The following RUFY2 variants were observed in gnomAD, a reference collection of about 807,000 sequenced individuals.
RUFY2 encodes RUN and FYVE domain-containing protein 2.
A neutral mutation model predicts 94.4 loss-of-function variants in RUFY2; 49 were observed. The observed-to-expected ratio is 0.52, with a 90% CI of 0.41 to 0.66. The LOEUF (loss-of-function observed/expected upper bound fraction) is 0.66, where lower values mean the gene tolerates loss of function less well. RUFY2 is among the 30% of genes least tolerant of loss of function. RUFY2 has a pLI of 0.00. For synonymous variants in RUFY2, 255 were observed against 235.7 expected (o/e 1.08, Z -0.75); for missense variants, 541 against 692.8 (o/e 0.78, Z 2.46).
chr10:68,406,698 C>A (rs527901244), intron 1 of RUFY2: 1 of 1,467,412 alleles, frequency 6.8e-7, no homozygotes, highest in Non-Finnish European at 9.2e-7. Context: ...CCCCCTCCCC[C>A]CAGCAAGGCT....
chr10:68,341,735 T>TTTTTTTC (rs763429371), downstream of RUFY2: 2 of 1,587,192 alleles, frequency 1.3e-6, no homozygotes, highest in Admixed American at 3.7e-5. Flanking sequence ...GAGTCTCAAT[T>TTTTTTTC]TTTTTTCTTT....
At chr10:68,354,552 T>C (rs2046912830) in intron 16 of RUFY2, among the ~76,000 whole-genome samples, 1 of 152,198 alleles carries the variant, frequency 6.6e-6, no homozygotes, top group African/African-American at 2.4e-5. Flanking sequence ...CTGTCCTTTC[T>C]TCTATGTTGT....
intron 4 of RUFY2, 22 bp downstream of exon 4, chr10:68,396,758 A>T: frequency 6.7e-7 from 1 of 1,494,490 alleles, no homozygotes; most frequent in Non-Finnish European, 9.3e-7. Context: ...AAATGAAAAG[A>T]TCACGACTTA....
At chr10:68,376,400 G>T (rs2048639846) in intron 13 of RUFY2, among the ~76,000 whole-genome samples, 1 of 134,114 alleles carries the variant, frequency 7.5e-6, no homozygotes, top group African/African-American at 2.7e-5. Flanking sequence ...TTGCATTCCA[G>T]CCTGGGCAAC....
intron 3 of RUFY2, among the ~76,000 whole-genome samples, chr10:68,397,653 C>T (rs542211465): frequency 9.9e-5 from 15 of 151,674 alleles, no homozygotes; most frequent in African/African-American, 3.4e-4. Flanking sequence ...GTGGCATGTG[C>T]CTGTATTCCC....
chr10:68,406,547 C>T (rs2133307333), intron 1 of RUFY2, among the ~76,000 whole-genome samples: 1 of 152,310 alleles, frequency 6.6e-6, no homozygotes, highest in South Asian at 2.1e-4. Flanking sequence ...GCGTTCACAC[C>T]GCGGCCACGC....
intron 1 of RUFY2, chr10:68,406,904 G>A (rs1162082824): frequency 6.3e-7 from 1 of 1,577,744 alleles, no homozygotes; most frequent in South Asian, 1.2e-5. Context: ...GTGACACCCT[G>A]CCTGGCCCTG....
At position 68,394,465 on chromosome 10, in the gene RUFY2, AAAAATAAGGACTTT is replaced by A; in HGVS notation, c.399-28_399-15del. On this transcript the variant is annotated splice_polypyrimidine_tract_variant and intron_variant, in intron 4 of 17. Transcript: ENST00000602465. ...TCATAAAACTCACTGTGAAAATTTA[AAAAATAAGGACTTT>A]AAATCACAAATTTATTTCAAAAACT... 1 of 1,582,634 alleles carries A rather than the reference AAAAATAAGGACTTT, an allele frequency of 6.3e-7. No homozygotes were observed. The highest frequency in any genetic ancestry group is 8.7e-7 in the Non-Finnish European group (1 of 1,152,608).
intron 4 of RUFY2, among the ~76,000 whole-genome samples, chr10:68,395,098 G>A (rs1363466384): frequency 6.6e-6 from 1 of 151,990 alleles, no homozygotes; most frequent in Non-Finnish European, 1.5e-5. Context: ...AGCACTTTGG[G>A]AGGCCAAGGC....
chr10:68,347,063 G>C (rs1377254307), intron 16 of RUFY2, among the ~76,000 whole-genome samples: 1 of 151,852 alleles, frequency 6.6e-6, no homozygotes, highest in African/African-American at 2.4e-5. Context: ...AGGCTGCAGT[G>C]AACTATGACT....
intron 17 of RUFY2, 32 bp downstream of exon 17, chr10:68,345,973 CCA>C (rs749765306): frequency 1.2e-6 from 2 of 1,611,746 alleles, no homozygotes; most frequent in Admixed American, 3.4e-5. Context: ...TTTTTGCACT[CCA>C]AATTTTTGGA....
intron 4 of RUFY2, 129 bp from the exon 5 acceptor site, chr10:68,394,580 A>T: frequency 1.8e-6 from 1 of 559,652 alleles, no homozygotes; most frequent in South Asian, 2.8e-5. Flanking sequence ...GGTGCCTTCA[A>T]ATTAGCCTTT....
chr10:68,407,247 T>A lies in RUFY2; in HGVS notation c.-58A>T. ...CTCCCTCGGCCTGTCCAGCAGCTCC[T>A]TCCAGGCGCTCGGCGGCCACCACCG... is the stretch of plus-strand genomic sequence containing the variant. On this transcript the variant is annotated 5_prime_UTR_variant, in exon 1 of 18. The change creates a new upstream start codon in the 5' untranslated region. Coordinates refer to ENST00000602465, the MANE Select transcript of RUFY2 (RefSeq NM_001330103.2). The A allele has an allele frequency of 7.8e-7, 1 of 1,277,572 alleles. No individual in the cohort carries two copies. The highest frequency in any genetic ancestry group is 2.3e-5 in the South Asian group (1 of 42,950). The allele number at this position is 1,277,572 out of a possible 1,614,324, so 79.1% of individuals were successfully genotyped here.
intron 13 of RUFY2, among the ~76,000 whole-genome samples, chr10:68,374,592 C>T (rs760107517): frequency 6.6e-6 from 1 of 152,004 alleles, no homozygotes; most frequent in African/African-American, 2.4e-5. Context: ...ACAAATCATC[C>T]CTCAATAATT....
At chr10:68,354,203 T>G (rs1589783071) in intron 16 of RUFY2, among the ~76,000 whole-genome samples, 1 of 152,138 alleles carries the variant, frequency 6.6e-6, no homozygotes, top group East Asian at 1.9e-4. Context: ...CATGTAACAC[T>G]TTTTTGTCAC....
intron 13 of RUFY2, among the ~76,000 whole-genome samples, chr10:68,371,754 G>C (rs1405983673): frequency 1.3e-5 from 2 of 152,048 alleles, no homozygotes; most frequent in Non-Finnish European, 2.9e-5. Flanking sequence ...TCCCAAATAG[G>C]TTAAAGCCCA....
chr10:68,376,707 C>T, intron 13 of RUFY2, 146 bp downstream of exon 13: 1 of 676,664 alleles, frequency 1.5e-6, no homozygotes, highest in Non-Finnish European at 2.5e-6. Context: ...ATTATATTTT[C>T]TAAATTTTTT....
chr10:68,401,922 C>G (rs1431256524), intron 2 of RUFY2, among the ~76,000 whole-genome samples, 185 bp from the exon 3 acceptor site: 1 of 152,144 alleles, frequency 6.6e-6, no homozygotes, highest in Non-Finnish European at 1.5e-5. Flanking sequence ...GCCCATCCTG[C>G]TATTTTTTTC....
At chr10:68,397,568 T>A in intron 3 of RUFY2, among the ~76,000 whole-genome samples, 1 of 148,918 alleles carries the variant, frequency 6.7e-6, no homozygotes, top group East Asian at 2.0e-4. Flanking sequence ...TGTCTCTATA[T>A]AAAAAAAATA....
Sources: allele counts gnomAD v4.1 joint callset (sites outside exome capture counted in the v4.1 genomes callset), GRCh38; gene constraint gnomAD v4.1.1; transcripts MANE v1.5; gene names NCBI Gene and HGNC (gene_info 2026-07-23, HGNC 2026-07-21).